COL24A1: variants seen among roughly 807,000 people sequenced by gnomAD.
COL24A1 encodes the protein collagen type XXIV alpha 1 chain.
COL24A1 carries 224 observed loss-of-function variants against 253.9 expected under a neutral mutation model. That is an observed-to-expected ratio of 0.88 (90% CI 0.79 to 0.99). The LOEUF (loss-of-function observed/expected upper bound fraction) is 0.99. COL24A1 is among the 50% of genes least tolerant of loss of function. COL24A1 has a pLI of 0.00. For missense variants in COL24A1, 2,131 were observed against 2,068.5 expected (o/e 1.03, Z -0.59); for synonymous variants, 685 against 673.7 (o/e 1.02, Z -0.26).
chr1:85,756,607 C>T (rs1026450452), intron 55 of COL24A1, among the ~76,000 whole-genome samples: 9 of 152,230 alleles, frequency 5.9e-5, no homozygotes, highest in African/African-American at 1.9e-4. Context: ...ATCTTGTGCA[C>T]TGCTGGTGGT....
intron 19 of COL24A1, among the ~76,000 whole-genome samples, chr1:86,015,531 T>C (rs1257318045): frequency 3.9e-5 from 6 of 152,282 alleles, no homozygotes; most frequent in Non-Finnish European, 5.9e-5. Flanking sequence ...ACCATACTTA[T>C]AGCAAGGAGG....
chr1:86,102,861 T>C (rs372825110), intron 5 of COL24A1, among the ~76,000 whole-genome samples: 1 of 152,176 alleles, frequency 6.6e-6, no homozygotes, highest in African/African-American at 2.4e-5. Flanking sequence ...TTCTGTTGTT[T>C]TGGGTGGTGA....
intron 5 of COL24A1, among the ~76,000 whole-genome samples, chr1:86,095,961 A>C (rs757312982): frequency 6.6e-6 from 1 of 152,088 alleles, no homozygotes; most frequent in African/African-American, 2.4e-5. Context: ...GGACCCATTA[A>C]CATGTTAGAA....
At chr1:86,031,002 T>A (rs960050235) in intron 14 of COL24A1, among the ~76,000 whole-genome samples, 2 of 152,084 alleles carry the variant, frequency 1.3e-5, no homozygotes, top group Non-Finnish European at 2.9e-5. Context: ...ATATTTGCAC[T>A]CCCATGTTTA....
chr1:85,877,039 T>A, intron 33 of COL24A1, 83 bp downstream of exon 33: 1 of 924,394 alleles, frequency 1.1e-6, no homozygotes, highest in South Asian at 1.6e-5. Flanking sequence ...TTCCTCATAG[T>A]ATATATTTAA....
intron 43 of COL24A1, among the ~76,000 whole-genome samples, chr1:85,824,547 GC>G (rs1674010793): frequency 6.6e-6 from 1 of 152,040 alleles, no homozygotes; most frequent in Admixed American, 6.6e-5. Flanking sequence ...GATTTACTGG[GC>G]TGAAGACTGG....
rs1676673684 is a variant in COL24A1 at position 85,842,098 on chromosome 1, G to A, written c.3540C>T (p.Pro1180=). 3 of 1,613,652 alleles carry A rather than the reference G, an allele frequency of 1.9e-6. No individual in the cohort carries two copies. Among genetic ancestry groups the A allele is most frequent in the Non-Finnish European group, 2.5e-6 (3 of 1,179,800 alleles). ...GYRGHQGQPG[P]SGLPGPKGEK... ...CTCCTTTAGGTCCTGGCAATCCAGA[G>A]GGTCCTGGTTGGCCCTGATGGCCCT... The change falls in exon 41 of 60, where the codon CCC becomes CCT. Residue 1180 remains proline (P), a synonymous_variant. Transcript: ENST00000370571.
chr1:85,763,878 G>A (rs1255938093), intron 53 of COL24A1, among the ~76,000 whole-genome samples: 1 of 152,068 alleles, frequency 6.6e-6, no homozygotes, highest in Non-Finnish European at 1.5e-5. Context: ...CACTTCCTAT[G>A]AAAACAAGAT....
intron 18 of COL24A1, 57 bp downstream of exon 18, chr1:86,022,183 C>A (rs1194125788): frequency 1.4e-6 from 2 of 1,446,488 alleles, no homozygotes; most frequent in East Asian, 2.3e-5. Flanking sequence ...TGTCGAGACT[C>A]ATGCCATGAC....
chr1:85,804,644 C>T (rs1370451441), intron 47 of COL24A1, among the ~76,000 whole-genome samples: 1 of 152,086 alleles, frequency 6.6e-6, no homozygotes, highest in Non-Finnish European at 1.5e-5. Flanking sequence ...GGGCAACTCC[C>T]GTTTTTAAAG....
At chr1:86,135,818 G>GCAA (rs1650151639) in intron 2 of COL24A1, among the ~76,000 whole-genome samples, 2 of 151,762 alleles carry the variant, frequency 1.3e-5, no homozygotes, top group Non-Finnish European at 2.9e-5. Context: ...TTTTTTGTGT[G>GCAA]TACATTCTCA....
chr1:85,785,408 G>A (rs1349827443), intron 48 of COL24A1, among the ~76,000 whole-genome samples: 1 of 152,140 alleles, frequency 6.6e-6, no homozygotes, highest in Admixed American at 6.6e-5. Context: ...AACGATGCTT[G>A]GTAGACTTTG....
Position 85,877,913 on chromosome 1 carries a change from CT to C in COL24A1, c.2977-739del, listed in dbSNP as rs540972806. Among the ~76,000 whole-genome samples, 68 of 150,700 alleles carry C rather than the reference CT, an allele frequency of 4.5e-4. No homozygotes were observed. In the South Asian group the frequency reaches 7.5e-3, roughly 17 times the overall value. On this transcript the variant is annotated intron_variant, in intron 32 of 59. Coordinates refer to ENST00000370571, the MANE Select transcript of COL24A1 (RefSeq NM_152890.7). ...CATCTTAAAGAAGTAAATATATGAT[CT>C]TTTTTTTTACTGACTGTACAGTTTT... is the stretch of plus-strand genomic sequence containing the variant.
At chr1:86,109,658 G>A (rs1705340602) in intron 5 of COL24A1, among the ~76,000 whole-genome samples, 1 of 152,144 alleles carries the variant, frequency 6.6e-6, no homozygotes, top group Non-Finnish European at 1.5e-5. Context: ...TCACTGATAA[G>A]CAGAGGGGTG....
chr1:86,056,697 T>C (rs896253725), intron 10 of COL24A1, among the ~76,000 whole-genome samples: 1 of 151,542 alleles, frequency 6.6e-6, no homozygotes, highest in African/African-American at 2.4e-5. Flanking sequence ...CTACTAAAAA[T>C]ACAAAAATTA....
At chr1:86,027,127 G>A (rs1698105581) in intron 14 of COL24A1, among the ~76,000 whole-genome samples, 1 of 152,140 alleles carries the variant, frequency 6.6e-6, no homozygotes, top group Non-Finnish European at 1.5e-5. Context: ...CATTCACAAA[G>A]AGTTTGGAAT....
intron 23 of COL24A1, among the ~76,000 whole-genome samples, chr1:85,964,196 C>T (rs1691343606): frequency 6.6e-6 from 1 of 152,068 alleles, no homozygotes; most frequent in South Asian, 2.1e-4. Flanking sequence ...TTTCAATTTG[C>T]AAAACTTACC....
chr1:85,797,269 T>C (rs778851067), intron 47 of COL24A1, among the ~76,000 whole-genome samples: 1 of 150,426 alleles, frequency 6.6e-6, no homozygotes, highest in Non-Finnish European at 1.5e-5. Flanking sequence ...TCTTCTCCTA[T>C]GGGCCTGACA....
At chr1:85,908,846 A>C (rs1271813166) in intron 26 of COL24A1, among the ~76,000 whole-genome samples, 195 bp from the exon 27 acceptor site, 1 of 151,796 alleles carries the variant, frequency 6.6e-6, no homozygotes, top group African/African-American at 2.4e-5. Flanking sequence ...AATTTTCTGT[A>C]GTTTTATTTA....
Sources: gnomAD v4.1 joint callset for allele counts (sites outside exome capture counted in the v4.1 genomes callset) on GRCh38, gnomAD v4.1.1 for gene constraint, MANE v1.5 for transcripts, NCBI Gene and HGNC (gene_info 2026-07-23, HGNC 2026-07-21) for gene names.